Variants in MAF observed in about 807,000 individuals in gnomAD.
MAF encodes the protein transcription factor Maf.
MAF carries 10 observed loss-of-function variants against 22.0 expected under a neutral mutation model. That is an observed-to-expected ratio of 0.45 (90% CI 0.28 to 0.77). The LOEUF is 0.77. Ranked by LOEUF, MAF falls within the 30% of genes least tolerant of loss-of-function variation. MAF has a pLI of 0.12. For missense variants in MAF, 544 were observed against 548.4 expected (o/e 0.99, Z 0.08); for synonymous variants, 337 against 255.8 (o/e 1.32, Z -3.03).
At chr16:79,456,813 T>C in the MAF span, among the ~76,000 whole-genome samples, 5 of 152,142 alleles carry the variant, frequency 3.3e-5, no homozygotes, top group Non-Finnish European at 4.4e-5. Flanking sequence ...TTTTGGGACA[T>C]TTTGCTAAAA....
At chr16:79,258,120 G>A in the MAF span, among the ~76,000 whole-genome samples, 6 of 152,152 alleles carry the variant, frequency 3.9e-5, no homozygotes, top group South Asian at 2.1e-4. Context: ...CCTGTAAGCC[G>A]CAGAATCTGT....
At chr16:79,216,089 G>A in the MAF span, among the ~76,000 whole-genome samples, 11,048 of 152,118 alleles carry the variant, frequency 0.073, 448 homozygotes, top group African/African-American at 0.097. Context: ...TTATTCTATG[G>A]CCAACCCTAT....
At chr16:79,561,590 G>A in the MAF span, among the ~76,000 whole-genome samples, 1 of 151,848 alleles carries the variant, frequency 6.6e-6, no homozygotes, top group Admixed American at 6.6e-5. Context: ...CCTTGCGATA[G>A]TTTGCTGAGA....
the MAF span, among the ~76,000 whole-genome samples, chr16:79,244,504 T>C: frequency 6.9e-3 from 1,056 of 152,034 alleles, 14 homozygotes; most frequent in Middle Eastern, 0.024. Context: ...GAATACAACT[T>C]ACAAGAGATT....
the MAF span, among the ~76,000 whole-genome samples, chr16:79,507,428 T>C: frequency 1.3e-5 from 2 of 149,666 alleles, no homozygotes; most frequent in African/African-American, 4.9e-5. Context: ...TGCATCTTAC[T>C]TTTTTATTTT....
the MAF span, among the ~76,000 whole-genome samples, chr16:79,538,381 T>A: frequency 6.6e-6 from 1 of 152,288 alleles, no homozygotes; most frequent in Non-Finnish European, 1.5e-5. Flanking sequence ...TAAGCCAGCA[T>A]CTGATGTGAA....
At chr16:79,348,433 G>C in the MAF span, among the ~76,000 whole-genome samples, 1 of 152,152 alleles carries the variant, frequency 6.6e-6, no homozygotes, top group Non-Finnish European at 1.5e-5. Context: ...ACAGGATACG[G>C]GGTCCATTTC....
chr16:79,521,588 A>C, the MAF span, among the ~76,000 whole-genome samples: 16,712 of 152,144 alleles, frequency 0.11, 997 homozygotes, highest in Middle Eastern at 0.15. Context: ...TACATAGTCA[A>C]CATCTCTTAG....
At chr16:79,565,114 G>C in the MAF span, among the ~76,000 whole-genome samples, 3 of 152,138 alleles carry the variant, frequency 2.0e-5, no homozygotes, top group Non-Finnish European at 4.4e-5. Context: ...ACTAGTCCCA[G>C]GGTGTTCACA....
the MAF span, among the ~76,000 whole-genome samples, chr16:79,412,126 G>A: frequency 6.6e-6 from 1 of 152,180 alleles, no homozygotes; most frequent in Non-Finnish European, 1.5e-5. Flanking sequence ...AATGAGCCAG[G>A]CCTTAAGATT....
chr16:79,588,918 C>A (rs1913024064), downstream of MAF, among the ~76,000 whole-genome samples: 1 of 152,118 alleles, frequency 6.6e-6, no homozygotes, highest in East Asian at 1.9e-4. Flanking sequence ...CACCTTTTAA[C>A]AGATAAAATC....
chr16:79,552,087 G>C, the MAF span, among the ~76,000 whole-genome samples: 1 of 152,084 alleles, frequency 6.6e-6, no homozygotes, highest in Admixed American at 6.6e-5. Flanking sequence ...ACCGCCCCAA[G>C]ACCCCCCTGC....
At chr16:79,491,823 C>A in the MAF span, among the ~76,000 whole-genome samples, 12 of 152,130 alleles carry the variant, frequency 7.9e-5, no homozygotes, top group African/African-American at 2.9e-4. Context: ...GATTGAGAAT[C>A]TCTTCCTCTT....
chr16:79,208,402 G>T, the MAF span, among the ~76,000 whole-genome samples: 1 of 152,074 alleles, frequency 6.6e-6, no homozygotes, highest in Admixed American at 6.5e-5. Context: ...AATCGTTTAG[G>T]GGAACCCATA....
At chr16:79,320,979 G>T in the MAF span, among the ~76,000 whole-genome samples, 5 of 152,196 alleles carry the variant, frequency 3.3e-5, no homozygotes, top group Non-Finnish European at 7.4e-5. Flanking sequence ...ACCCAGTCCA[G>T]TTCCAAGAGG....
chr16:79,268,671 G>A, the MAF span, among the ~76,000 whole-genome samples: 1 of 152,196 alleles, frequency 6.6e-6, no homozygotes, highest in African/African-American at 2.4e-5. Context: ...TAGCCAAACT[G>A]TAGGCTGAAA....
In MAF at chr16:79,598,888, G is replaced by T. The variant is rs1207439564; in HGVS notation, c.1015C>A (p.Arg339Ser). Reference protein sequence around the residue: ...HLKQEISRLVRERDAYKEKYE... With the variant: ...HLKQEISRLVSERDAYKEKYE... ...TTCTCCTTGTACGCGTCCCTCTCGC[G>T]CACCAGCCTGGAGATCTCCTGCTTG... The change falls in exon 1 of 2, where the codon CGC (arginine) becomes AGC (serine). Residue 339 changes from arginine to serine, a missense_variant. Arg to Ser is a moderately radical substitution (Grantham distance 110). Around this residue, in one of 5 missense-constraint regions of MAF, gnomAD observed 129 missense variants for 113.6 expected, o/e 1.14. Transcript: ENST00000326043. 8 of 1,613,712 alleles carry T rather than the reference G, an allele frequency of 5.0e-6. No homozygotes were observed. Among genetic ancestry groups the T allele is most frequent in the Non-Finnish European group, 5.9e-6 (7 of 1,179,974 alleles).
At chr16:79,340,457 A>G in the MAF span, among the ~76,000 whole-genome samples, 1 of 151,126 alleles carries the variant, frequency 6.6e-6, no homozygotes, top group African/African-American at 2.4e-5. Flanking sequence ...CACTGGGAAT[A>G]TAGCAGAGAA....
At chr16:79,533,310 G>A in the MAF span, among the ~76,000 whole-genome samples, 1 of 152,238 alleles carries the variant, frequency 6.6e-6, no homozygotes, top group Admixed American at 6.5e-5. Context: ...AGATCCAAGG[G>A]TCAGTCAGAA....
Sources: allele counts gnomAD v4.1 joint callset (sites outside exome capture counted in the v4.1 genomes callset), GRCh38; gene constraint gnomAD v4.1.1; regional missense constraint gnomAD v4.1.1; transcripts MANE v1.5; gene names NCBI Gene and HGNC (gene_info 2026-07-23, HGNC 2026-07-21).